ST3GAL2: variants seen among roughly 807,000 people sequenced by gnomAD.
The protein encoded by ST3GAL2 is ST3 beta-galactoside alpha-2,3-sialyltransferase 2.
Under a neutral mutation model 37.5 loss-of-function variants are expected in ST3GAL2, and 16 were observed. That is an observed-to-expected ratio of 0.43 (90% CI 0.29 to 0.65). The LOEUF (loss-of-function observed/expected upper bound fraction) is 0.65, where lower values mean the gene tolerates loss of function less well. ST3GAL2 is among the 30% of genes least tolerant of loss of function. The pLI is 0.17. For synonymous variants in ST3GAL2, 238 were observed against 202.9 expected, an observed-to-expected ratio of 1.17 and a Z score of -1.47; for missense variants, 383 against 487.8, an observed-to-expected ratio of 0.79 and a Z score of 2.02.
chr16:70,399,158 T>C lies in ST3GAL2; in HGVS notation c.-628A>G. 2.5e-6 allele frequency: 1 copy of C among 399,206 alleles called. No homozygotes were observed. Among genetic ancestry groups the C allele is most frequent in the South Asian group, 1.3e-4 (1 of 7,882 alleles). The allele number at this position is 399,206 out of a possible 1,614,324, so 24.7% of individuals were successfully genotyped here. A position where few individuals can be genotyped will look rare whatever the true frequency, so the allele number is the denominator to read the frequency against. Reference sequence around the variant, plus strand: ...GGAAGCTCTGTGAGTGTGGGAAAACTCCGCTGCAGAGATCGAGATCCTTTC... The same window carrying C: ...GGAAGCTCTGTGAGTGTGGGAAAACCCCGCTGCAGAGATCGAGATCCTTTC... On this transcript the variant is annotated 5_prime_UTR_variant, in exon 2 of 7. Transcript: ENST00000342907.
chr16:70,435,751 G>C (rs1330558571), intron 1 of ST3GAL2, among the ~76,000 whole-genome samples: 1 of 146,722 alleles, frequency 6.8e-6, no homozygotes, highest in African/African-American at 2.5e-5. Context: ...CCGAGATCTC[G>C]CCATTGCACT....
Position 70,395,079 on chromosome 16 carries a change from G to T in ST3GAL2, c.436C>A (p.Pro146Thr), listed in dbSNP as rs1439009129. The change falls in exon 3 of 7, where the codon CCC becomes ACC. Residue 146 changes from proline to threonine, a missense_variant. Coordinates refer to ENST00000342907, the MANE Select transcript of ST3GAL2 (RefSeq NM_006927.4). ...ACGGCACAGCGCCGGCACTGGTGGG[G>T]GTCCCGGAAGCGGTAGGGGTTCTCG... The part of the protein sequence containing the change: ...PGENPYRFRD[P>T]HQCRRCAVVG... The T allele has an allele frequency of 7.4e-6, 12 of 1,613,988 alleles. No homozygotes were observed. Among genetic ancestry groups the T allele is most frequent in the Non-Finnish European group, 1.0e-5 (12 of 1,179,986 alleles).
At chr16:70,382,657 ATACTT>A (rs886648919) in intron 6 of ST3GAL2, 143 bp downstream of exon 6, 3 of 1,215,772 alleles carry the variant, frequency 2.5e-6, no homozygotes, top group South Asian at 2.9e-5. Context: ...AGGCATATCT[ATACTT>A]TACAGCCTAG....
intron 1 of ST3GAL2, among the ~76,000 whole-genome samples, chr16:70,432,512 C>T (rs1447974366): frequency 6.6e-6 from 1 of 152,022 alleles, no homozygotes; most frequent in Non-Finnish European, 1.5e-5. Context: ...GGAAGCCTGA[C>T]AATATGTTGT....
chr16:70,415,766 T>C (rs1455723578), intron 1 of ST3GAL2, among the ~76,000 whole-genome samples: 1 of 137,970 alleles, frequency 7.2e-6, no homozygotes, highest in Non-Finnish European at 1.5e-5. Flanking sequence ...AAGATTCTTT[T>C]TTTTTTTTTT....
intron 3 of ST3GAL2, among the ~76,000 whole-genome samples, chr16:70,392,023 ATC>A (rs1259063913): frequency 6.6e-6 from 1 of 152,198 alleles, no homozygotes; most frequent in Non-Finnish European, 1.5e-5. Flanking sequence ...AAGACCCACC[ATC>A]TGTCTTCTGC....
intron 1 of ST3GAL2, among the ~76,000 whole-genome samples, chr16:70,432,847 G>C (rs1178451000): frequency 2.0e-5 from 3 of 152,228 alleles, no homozygotes; most frequent in African/African-American, 7.2e-5. Flanking sequence ...TGAAAGCACA[G>C]AAGGGGAAGG....
intron 1 of ST3GAL2, among the ~76,000 whole-genome samples, chr16:70,427,460 T>TA (rs2047759467): frequency 6.6e-6 from 1 of 150,886 alleles, no homozygotes; most frequent in African/African-American, 2.4e-5. Context: ...TGCCTCAGCC[T>TA]CCCAAGTAGC....
intron 2 of ST3GAL2, among the ~76,000 whole-genome samples, chr16:70,397,310 A>G (rs2047523975): frequency 6.6e-6 from 1 of 151,246 alleles, no homozygotes; most frequent in East Asian, 2.0e-4. Context: ...CAAAGTGCTG[A>G]GATTACAGGC....
At chr16:70,391,504 A>G (rs1348422218) in intron 3 of ST3GAL2, among the ~76,000 whole-genome samples, 1 of 152,170 alleles carries the variant, frequency 6.6e-6, no homozygotes, top group Non-Finnish European at 1.5e-5. Flanking sequence ...AACTCTTAAT[A>G]GCTTGTGGGC....
chr16:70,430,916 T>C (rs1356336532), intron 1 of ST3GAL2, among the ~76,000 whole-genome samples: 1 of 152,116 alleles, frequency 6.6e-6, no homozygotes, highest in African/African-American at 2.4e-5. Context: ...CACTTCCCCC[T>C]GAAACTCAGG....
intron 2 of ST3GAL2, among the ~76,000 whole-genome samples, chr16:70,395,889 G>A (rs890336300): frequency 1.3e-5 from 2 of 152,178 alleles, no homozygotes; most frequent in Non-Finnish European, 2.9e-5. Context: ...GTGGGATCAT[G>A]AGCCCAGAAG....
intron 1 of ST3GAL2, among the ~76,000 whole-genome samples, chr16:70,434,846 C>G (rs2047814548): frequency 6.6e-6 from 1 of 152,234 alleles, no homozygotes; most frequent in East Asian, 1.9e-4. Context: ...TCTCTGGGTT[C>G]CTCAGTAACC....
In ST3GAL2 at chr16:70,382,927, GGGA is replaced by G. The variant is rs1335106907; in HGVS notation, c.760-6_760-4del. Reference sequence around the variant, plus strand: ...AAGGCTGGGTTGTAGATCTGGACCTGGGAGGAGAAGGGATGACAGGTATATGAG... The same window carrying G: ...AAGGCTGGGTTGTAGATCTGGACCTGGGAGAAGGGATGACAGGTATATGAG... On this transcript the variant is annotated splice_region_variant and splice_polypyrimidine_tract_variant and intron_variant, in intron 5 of 6. Coordinates refer to ENST00000342907, the MANE Select transcript of ST3GAL2 (RefSeq NM_006927.4). 8.7e-6 allele frequency: 14 copies of G among 1,612,538 alleles called. No individual in the cohort carries two copies. The highest frequency in any genetic ancestry group is 2.2e-5 in the East Asian group (1 of 44,858).
At chr16:70,430,740 G>A (rs1011127290) in intron 1 of ST3GAL2, among the ~76,000 whole-genome samples, 3 of 152,150 alleles carry the variant, frequency 2.0e-5, no homozygotes, top group African/African-American at 7.2e-5. Context: ...CTGGCAACCC[G>A]AACCCAGGAC....
chr16:70,396,032 C>T (rs1230255733), intron 2 of ST3GAL2, among the ~76,000 whole-genome samples: 4 of 149,294 alleles, frequency 2.7e-5, no homozygotes, highest in Non-Finnish European at 5.9e-5. Context: ...AGTGCAATGG[C>T]GCGATCTTGG....
At chr16:70,405,864 T>A (rs1425658236) in intron 1 of ST3GAL2, among the ~76,000 whole-genome samples, 1 of 150,954 alleles carries the variant, frequency 6.6e-6, no homozygotes, top group Non-Finnish European at 1.5e-5. Context: ...ATCAAGACCA[T>A]CCTGGCTAAC....
intron 3 of ST3GAL2, among the ~76,000 whole-genome samples, chr16:70,389,048 T>C (rs538399480): frequency 3.2e-5 from 4 of 124,320 alleles, no homozygotes; most frequent in African/African-American, 1.3e-4. Context: ...CACTCCAGCC[T>C]GGGTGACAGA....
chr16:70,399,145 AGT>A lies in ST3GAL2; in HGVS notation c.-617_-616del, dbSNP rs1240071217. ...GAGGACAAAAACAGGAAGCTCTGTG[AGT>A]GTGGGAAAACTCCGCTGCAGAGATC... is the stretch of plus-strand genomic sequence containing the variant. On this transcript the variant is annotated 5_prime_UTR_variant, in exon 2 of 7. An upstream open reading frame in the 5' UTR loses its in-frame stop. Transcript: ENST00000342907. 2.3e-5 allele frequency: 9 copies of A among 399,632 alleles called. No individual in the cohort carries two copies. In the Admixed American group the frequency reaches 3.9e-4, roughly 17 times the overall value. 24.8% of individuals were successfully genotyped at this position (399,632 alleles called of 1,614,324 possible).
Sources: gnomAD v4.1 joint callset for allele counts (sites outside exome capture counted in the v4.1 genomes callset) on GRCh38, gnomAD v4.1.1 for gene constraint, MANE v1.5 for transcripts, NCBI Gene and HGNC (gene_info 2026-07-23, HGNC 2026-07-21) for gene names.